The following KIAA1328 variants were observed in gnomAD, a reference collection of about 807,000 sequenced individuals.
KIAA1328 encodes the protein KIAA1328.
Under a neutral mutation model 68.1 loss-of-function variants are expected in KIAA1328, and 52 were observed. The ratio of observed to expected loss-of-function variants is 0.76; its 90% confidence interval spans 0.61 to 0.96. The LOEUF is 0.96. Among genes scored for constraint, KIAA1328 ranks in the 40% least tolerant of loss-of-function variants. The pLI, the probability that KIAA1328 is intolerant of heterozygous loss-of-function variation, is 0.00. For synonymous variants in KIAA1328, 232 were observed against 239.4 expected, an observed-to-expected ratio of 0.97 and a Z score of 0.28; for missense variants, 641 against 677.6, an observed-to-expected ratio of 0.95 and a Z score of 0.60.
intron 6 of KIAA1328, among the ~76,000 whole-genome samples, chr18:37,030,403 C>G (rs1411766205): frequency 6.6e-6 from 1 of 151,394 alleles, no homozygotes. Context: ...TTGTTATTTC[C>G]TCTTTGAACA....
At chr18:36,874,827 A>C (rs2048066549) in intron 4 of KIAA1328, among the ~76,000 whole-genome samples, 1 of 152,198 alleles carries the variant, frequency 6.6e-6, no homozygotes, top group Admixed American at 6.5e-5. Flanking sequence ...TCTTACGTTT[A>C]AGTCTTTAAT....
At chr18:37,142,949 T>G (rs1461406563) in intron 7 of KIAA1328, among the ~76,000 whole-genome samples, 1 of 151,374 alleles carries the variant, frequency 6.6e-6, no homozygotes, top group African/African-American at 2.4e-5. Flanking sequence ...TTGGTTTTTT[T>G]TTTTTGTTTT....
At chr18:36,885,723 CT>C (rs373925757) in intron 5 of KIAA1328, 51 bp downstream of exon 5, 28,874 of 917,800 alleles carry the variant, frequency 0.031, 7 homozygotes, top group South Asian at 0.049. Flanking sequence ...TTGACTATTT[CT>C]TTTTTTTTTT....
intron 6 of KIAA1328, among the ~76,000 whole-genome samples, chr18:36,976,441 A>T (rs1443384134): frequency 1.3e-5 from 2 of 152,286 alleles, no homozygotes; most frequent in East Asian, 3.9e-4. Context: ...TATCAAAATG[A>T]AATAAAATTA....
chr18:36,990,221 T>G (rs1381574146), intron 6 of KIAA1328, among the ~76,000 whole-genome samples: 2 of 152,184 alleles, frequency 1.3e-5, no homozygotes, highest in African/African-American at 4.8e-5. Context: ...TTTACAACTT[T>G]ATTTTCTTAC....
intron 5 of KIAA1328, among the ~76,000 whole-genome samples, chr18:36,950,049 C>G (rs2051095825): frequency 6.6e-6 from 1 of 152,146 alleles, no homozygotes; most frequent in African/African-American, 2.4e-5. Context: ...CTTGGAATCA[C>G]TTTTTCTTTT....
intron 9 of KIAA1328, 74 bp downstream of exon 9, chr18:37,173,155 A>C (rs1479773467): frequency 9.0e-7 from 1 of 1,112,256 alleles, no homozygotes; most frequent in East Asian, 2.4e-5. Flanking sequence ...TTTAATAAGG[A>C]AGGGAAAAAT....
At chr18:37,100,088 C>A (rs561256292) in intron 7 of KIAA1328, among the ~76,000 whole-genome samples, 16 of 152,252 alleles carry the variant, frequency 1.1e-4, no homozygotes, top group African/African-American at 3.9e-4. Flanking sequence ...CAGCTCCCAG[C>A]ATGAGCGATG....
chr18:36,960,751 A>G (rs779220742), intron 6 of KIAA1328, among the ~76,000 whole-genome samples: 4 of 152,244 alleles, frequency 2.6e-5, no homozygotes, highest in Admixed American at 2.6e-4. Flanking sequence ...ACTAACAAAC[A>G]GAAAGGAATA....
At chr18:37,143,794 G>A (rs1358854065) in intron 7 of KIAA1328, among the ~76,000 whole-genome samples, 1 of 151,534 alleles carries the variant, frequency 6.6e-6, no homozygotes, top group Non-Finnish European at 1.5e-5. Context: ...ATGTGGTTTT[G>A]CTCCTTTTTT....
chr18:36,989,332 C>T (rs2053074138), intron 6 of KIAA1328, among the ~76,000 whole-genome samples: 1 of 152,156 alleles, frequency 6.6e-6, no homozygotes, highest in Non-Finnish European at 1.5e-5. Flanking sequence ...AGAGAAAAGA[C>T]ATTTTATAAA....
At chr18:37,220,428 G>GT (rs2060536171) in intron 9 of KIAA1328, among the ~76,000 whole-genome samples, 1 of 152,138 alleles carries the variant, frequency 6.6e-6, no homozygotes, top group Non-Finnish European at 1.5e-5. Context: ...AGAATAGTGG[G>GT]TTTTTTCCTA....
At chr18:37,043,221 C>G (rs566808147) in intron 6 of KIAA1328, among the ~76,000 whole-genome samples, 1 of 152,136 alleles carries the variant, frequency 6.6e-6, no homozygotes, top group African/African-American at 2.4e-5. Context: ...TTTTTCTTTA[C>G]AAGTCCAATA....
At chr18:37,116,858 A>G (rs1440709618) in intron 7 of KIAA1328, among the ~76,000 whole-genome samples, 1 of 152,238 alleles carries the variant, frequency 6.6e-6, no homozygotes, top group East Asian at 1.9e-4. Context: ...AAGGATATGA[A>G]CAGACACTTC....
intron 4 of KIAA1328, among the ~76,000 whole-genome samples, chr18:36,881,177 T>A (rs948146431): frequency 3.3e-5 from 5 of 150,890 alleles, no homozygotes; most frequent in African/African-American, 1.2e-4. Context: ...ATGTAAATAA[T>A]CAAATATCTG....
At chr18:36,979,017 G>C (rs994960599) in intron 6 of KIAA1328, among the ~76,000 whole-genome samples, 1 of 151,976 alleles carries the variant, frequency 6.6e-6, no homozygotes, top group African/African-American at 2.4e-5. Flanking sequence ...AAAATAGCTG[G>C]GCATGGTGGT....
intron 2 of KIAA1328, 62 bp downstream of exon 2, chr18:36,834,417 T>G: frequency 7.3e-7 from 1 of 1,377,068 alleles, no homozygotes; most frequent in South Asian, 1.5e-5. Flanking sequence ...TAGAAGAAAA[T>G]AAAGCTATTA....
intron 6 of KIAA1328, among the ~76,000 whole-genome samples, chr18:36,989,015 A>G (rs2053060707): frequency 6.6e-6 from 1 of 152,186 alleles, no homozygotes; most frequent in African/African-American, 2.4e-5. Flanking sequence ...TGTTATTATC[A>G]TGCTATTGCT....
At chr18:37,206,508 C>G (rs2060218746) in intron 9 of KIAA1328, among the ~76,000 whole-genome samples, 1 of 152,154 alleles carries the variant, frequency 6.6e-6, no homozygotes, top group African/African-American at 2.4e-5. Flanking sequence ...TTTGTTCCTG[C>G]TGTCATTTAA....
Sources: gnomAD v4.1 joint callset for allele counts (sites outside exome capture counted in the v4.1 genomes callset) on GRCh38, gnomAD v4.1.1 for gene constraint, MANE v1.5 for transcripts, NCBI Gene and HGNC (gene_info 2026-07-23, HGNC 2026-07-21) for gene names.